The following ARHGAP5 variants were observed in gnomAD, a reference collection of about 807,000 sequenced individuals.
The protein encoded by ARHGAP5 is rho GTPase-activating protein 5.
A neutral mutation model predicts 116.6 loss-of-function variants in ARHGAP5; 23 were observed. That is an observed-to-expected ratio of 0.20 (90% CI 0.14 to 0.28). The LOEUF is 0.28. Ranked by LOEUF, ARHGAP5 falls within the 10% of genes least tolerant of loss-of-function variation. ARHGAP5 has a pLI of 1.00. For synonymous variants in ARHGAP5, 574 were observed against 602.0 expected (o/e 0.95, Z 0.68); for missense variants, 1,405 against 1,774.8 (o/e 0.79, Z 3.74).
Position 32,102,956 on chromosome 14 carries a change from G to A in ARHGAP5, c.3717+8570G>A, listed in dbSNP as rs139705678. On this transcript the variant is annotated intron_variant, in intron 2 of 6. Transcript: ENST00000345122. Reference sequence around the variant, plus strand: ...TCAGTCTAATAAAATTGATTTTGCTGAAAATTAAATATGTTTTATATTTTC... The same window carrying A: ...TCAGTCTAATAAAATTGATTTTGCTAAAAATTAAATATGTTTTATATTTTC... 7.6e-3 allele frequency among the ~76,000 whole-genome samples: 1,150 copies of A among 152,268 alleles called. 11 individuals carry two copies. The highest frequency in any genetic ancestry group is 0.026 in the African/African-American group (1,083 of 41,558).
intron 2 of ARHGAP5, among the ~76,000 whole-genome samples, chr14:32,116,578 G>A (rs573871787): frequency 2.6e-4 from 40 of 152,300 alleles, no homozygotes; most frequent in African/African-American, 8.9e-4. Context: ...GGGCGACAGA[G>A]TGAGACTCCA....
chr14:32,078,012 G>GAGTA (rs2041728813), intron 1 of ARHGAP5, among the ~76,000 whole-genome samples: 2 of 152,148 alleles, frequency 1.3e-5, no homozygotes, highest in South Asian at 4.2e-4. Flanking sequence ...TTGAAGCTTG[G>GAGTA]AGTAAGATAT....
intron 1 of ARHGAP5, among the ~76,000 whole-genome samples, chr14:32,087,707 A>G (rs115932649): frequency 0.017 from 2,620 of 152,050 alleles, 78 homozygotes; most frequent in African/African-American, 0.059. Flanking sequence ...TCTGCCTAAC[A>G]GCCTTGTTAG....
rs1566661216 is a variant in ARHGAP5 at position 32,092,713 on chromosome 14, G to A, written c.2044G>A (p.Ala682Thr). 7.4e-6 allele frequency: 12 copies of A among 1,613,596 alleles called. No homozygotes were observed. The highest frequency in any genetic ancestry group is 1.0e-5 in the Non-Finnish European group (12 of 1,179,754). The change falls in exon 2 of 7, where the codon GCT becomes ACT. Residue 682 changes from alanine (A) to threonine (T), a missense_variant. Ala to Thr is a moderately conservative substitution (Grantham distance 58, BLOSUM62 0). Coordinates refer to ENST00000345122, the MANE Select transcript of ARHGAP5 (RefSeq NM_001030055.2). The surrounding 1 kb of genome is among the most constrained non-coding windows in gnomAD (Gnocchi z 4.1). ...GEFIGKIRTE[A>T]SQIRKDKYMA... The stretch of plus-strand genomic sequence containing the variant: ...ATTTATTGGGAAAATAAGAACTGAA[G>A]CTTCTCAGATCAGAAAAGATAAATA...
intron 2 of ARHGAP5, among the ~76,000 whole-genome samples, chr14:32,113,215 G>A (rs1002361867): frequency 6.6e-6 from 1 of 152,158 alleles, no homozygotes; most frequent in Non-Finnish European, 1.5e-5. Flanking sequence ...ACCTTGAAGC[G>A]TAAATGATTA....
chr14:32,077,509 G>T, intron 1 of ARHGAP5, 74 bp downstream of exon 1: 2 of 654,792 alleles, frequency 3.1e-6, no homozygotes, highest in South Asian at 1.6e-5. Context: ...GCGGCTAGCT[G>T]CCCCGCTCGG....
intron 1 of ARHGAP5, among the ~76,000 whole-genome samples, chr14:32,084,108 G>A (rs1416754267): frequency 1.3e-5 from 2 of 152,180 alleles, no homozygotes; most frequent in Non-Finnish European, 2.9e-5. Context: ...TCAGAGTAGG[G>A]TGTACATTAA....
At chr14:32,097,104 C>T (rs1022339356) in intron 2 of ARHGAP5, among the ~76,000 whole-genome samples, 3 of 152,152 alleles carry the variant, frequency 2.0e-5, no homozygotes, top group African/African-American at 7.2e-5. Flanking sequence ...TGTTTGAATA[C>T]TGGATGCTGA....
Position 32,093,019 on chromosome 14 carries a change from G to A in ARHGAP5, c.2350G>A (p.Ala784Thr), listed in dbSNP as rs749658149. 1.1e-5 allele frequency: 17 copies of A among 1,613,928 alleles called. No homozygotes were observed. The highest frequency in any genetic ancestry group is 5.3e-5 in the African/African-American group (4 of 74,908). The change falls in exon 2 of 7, where the codon GCC (alanine) becomes ACC (threonine). Residue 784 changes from alanine to threonine, a missense_variant. This residue lies in a region of ARHGAP5 where 944 missense variants were observed against 1,095.3 expected (regional missense o/e 0.86). Coordinates refer to ENST00000345122, the MANE Select transcript of ARHGAP5 (RefSeq NM_001030055.2). ...SEADLRIVMC[A>T]MCGDPFSVDL... ...AGCTGACTTGAGAATTGTCATGTGC[G>A]CCATGTGTGGAGATCCATTTAGTGT...
intron 2 of ARHGAP5, among the ~76,000 whole-genome samples, chr14:32,098,978 G>A (rs143214922): frequency 1.9e-4 from 29 of 152,290 alleles, no homozygotes; most frequent in African/African-American, 6.7e-4. Context: ...GTGGAAGACC[G>A]TTTAGTATAT....
chr14:32,094,434 A>G (rs8004384), intron 2 of ARHGAP5, 48 bp downstream of exon 2: 1,348,218 of 1,408,388 alleles, frequency 0.96, 645,526 homozygotes, highest in East Asian at 1. Flanking sequence ...GCTTGTTGTT[A>G]CTTTTTTAAA....
At chr14:32,150,127 T>C (rs1319473354) in intron 5 of ARHGAP5, 94 bp downstream of exon 5, 5 of 1,027,162 alleles carry the variant, frequency 4.9e-6, no homozygotes, top group Non-Finnish European at 6.6e-6. Flanking sequence ...CTAGAATATG[T>C]AGCTAATAAA....
Position 32,094,219 on chromosome 14 carries a change from T to G in ARHGAP5, c.3550T>G (p.Ser1184Ala), listed in dbSNP as rs1181621672. Residue 1184 changes from serine to alanine, a missense_variant, in exon 2 of 7, where the codon TCT (serine) becomes GCT (alanine). Physicochemically the swap from Ser to Ala is moderately conservative, Grantham distance 99 (BLOSUM62 1). Transcript: ENST00000345122. ...DASDDEAFTTSKTKRKGRHRG... is the reference protein window; with the variant it reads ...DASDDEAFTTAKTKRKGRHRG... ...CAGTGATGATGAGGCTTTCACCACTTCTAAAACAAAAAGAAAAGGAAGACA... is the reference window on the plus strand; with the variant it reads ...CAGTGATGATGAGGCTTTCACCACTGCTAAAACAAAAAGAAAAGGAAGACA... 5.0e-6 allele frequency: 8 copies of G among 1,612,820 alleles called. No homozygotes were observed. The highest frequency in any genetic ancestry group is 6.8e-6 in the Non-Finnish European group (8 of 1,179,842).
intron 3 of ARHGAP5, among the ~76,000 whole-genome samples, chr14:32,120,095 G>GA (rs972571849): frequency 6.6e-6 from 1 of 152,084 alleles, no homozygotes; most frequent in Non-Finnish European, 1.5e-5. Context: ...ATTTGTTTGT[G>GA]AGGAGGTTTT....
intron 1 of ARHGAP5, among the ~76,000 whole-genome samples, chr14:32,082,929 C>A (rs1031306123): frequency 6.6e-6 from 1 of 152,214 alleles, no homozygotes; most frequent in African/African-American, 2.4e-5. Flanking sequence ...GTCTTGTATT[C>A]CTCCTCTAGA....
At chr14:32,112,140 A>C (rs939454284) in intron 2 of ARHGAP5, among the ~76,000 whole-genome samples, 3 of 152,218 alleles carry the variant, frequency 2.0e-5, no homozygotes, top group Middle Eastern at 3.4e-3. Context: ...TAATTTCAAG[A>C]ATCACATGTA....
At chr14:32,121,013 C>CCTTT (rs1555357838) in intron 3 of ARHGAP5, among the ~76,000 whole-genome samples, 1 of 104,966 alleles carries the variant, frequency 9.5e-6, no homozygotes, top group Non-Finnish European at 1.7e-5. Context: ...AGGATTATGT[C>CCTTT]TTTTTTTTTT....
Position 32,090,791 on chromosome 14 carries a change from T to C in ARHGAP5, c.122T>C (p.Phe41Ser). 6.2e-7 allele frequency: 1 copy of C among 1,613,704 alleles called. No individual in the cohort carries two copies. Among genetic ancestry groups the C allele is most frequent in the Non-Finnish European group, 8.5e-7 (1 of 1,179,636 alleles). Residue 41 changes from phenylalanine to serine, a missense_variant, in exon 2 of 7, where the codon TTT (phenylalanine) becomes TCT (serine). Coordinates refer to ENST00000345122, the MANE Select transcript of ARHGAP5 (RefSeq NM_001030055.2). ...GGAAAGTCTTGTTTGTGCAATAGAT[T>C]TGTACGCTCAAAAGCAGATGAATAT... Reference protein sequence around the residue: ...GVGKSCLCNRFVRSKADEYYP... With the variant: ...GVGKSCLCNRSVRSKADEYYP...
At chr14:32,152,142 T>C (rs1881663905) in intron 5 of ARHGAP5, among the ~76,000 whole-genome samples, 1 of 152,178 alleles carries the variant, frequency 6.6e-6, no homozygotes, top group African/African-American at 2.4e-5. Flanking sequence ...ATCTAGGTTG[T>C]GCACGTCTTA....
Sources: allele counts gnomAD v4.1 joint callset (sites outside exome capture counted in the v4.1 genomes callset), GRCh38; gene constraint gnomAD v4.1.1; regional missense constraint gnomAD v4.1.1; non-coding constraint Gnocchi (gnomAD v3.1); transcripts MANE v1.5; gene names NCBI Gene and HGNC (gene_info 2026-07-23, HGNC 2026-07-21).